OPCML: variants seen among roughly 807,000 people sequenced by gnomAD.
OPCML encodes the protein opioid binding protein/cell adhesion molecule like.
OPCML carries 13 observed loss-of-function variants against 37.8 expected under a neutral mutation model. That is an observed-to-expected ratio of 0.34 (90% CI 0.22 to 0.55). The LOEUF (loss-of-function observed/expected upper bound fraction) is 0.55, where lower values mean the gene tolerates loss of function less well. Ranked by LOEUF, OPCML falls within the 20% of genes least tolerant of loss-of-function variation. The probability of loss-of-function intolerance (pLI) is 0.91; values close to 1 mark genes in which losing one functional copy is unlikely to be tolerated. For missense variants in OPCML, 341 were observed against 435.6 expected (o/e 0.78, Z 1.93); for synonymous variants, 176 against 168.8 (o/e 1.04, Z -0.33).
chr11:132,666,700 A>C (rs905149798), intron 2 of OPCML, among the ~76,000 whole-genome samples: 2 of 152,220 alleles, frequency 1.3e-5, no homozygotes, highest in Non-Finnish European at 2.9e-5. Flanking sequence ...ATAGAGTCTT[A>C]GATAGAAGGC....
Position 133,270,370 on chromosome 11 carries a change from A to T in OPCML, c.61+261894T>A, listed in dbSNP as rs574103708. 4.6e-5 allele frequency among the ~76,000 whole-genome samples: 7 copies of T among 152,298 alleles called. No individual in the cohort carries two copies. The South Asian group carries it at 1.2e-3, about 27-fold the overall frequency. On this transcript the variant is annotated intron_variant, in intron 1 of 7. Coordinates refer to ENST00000524381, the MANE Select transcript of OPCML (RefSeq NM_001012393.5). ...AATATCACACAGTTGGGACAAAGAAAAAAAAAACCATCTCTTTGTTCATCT... is the reference window on the plus strand; with the variant it reads ...AATATCACACAGTTGGGACAAAGAATAAAAAAACCATCTCTTTGTTCATCT...
rs76841933 is a variant in OPCML at position 133,214,926 on chromosome 11, G to C, written c.62-271916C>G. Among the ~76,000 whole-genome samples, 887 of 152,148 alleles carry C rather than the reference G, an allele frequency of 5.8e-3. 8 individuals are homozygous for C. Among genetic ancestry groups the C allele is most frequent in the African/African-American group, 0.02 (848 of 41,498 alleles). On this transcript the variant is annotated intron_variant, in intron 1 of 7. Coordinates refer to ENST00000524381, the MANE Select transcript of OPCML (RefSeq NM_001012393.5). ...CAAATGAGGCAATCTCTGACCCCTC[G>C]TTGGGCACCCAGAGCATATAAATAG... is the stretch of plus-strand genomic sequence containing the variant.
intron 1 of OPCML, among the ~76,000 whole-genome samples, chr11:133,400,112 C>T (rs115761991): frequency 7.4e-4 from 112 of 152,190 alleles, no homozygotes; most frequent in African/African-American, 2.6e-3. Flanking sequence ...GGGCTCCTGC[C>T]CATTACTGCT....
chr11:133,079,896 G>C (rs74739291), intron 1 of OPCML, among the ~76,000 whole-genome samples: 8,698 of 152,212 alleles, frequency 0.057, 802 homozygotes, highest in African/African-American at 0.2. Context: ...CGTCCAAGGG[G>C]ATGGAAGATA....
chr11:133,281,108 G>A lies in OPCML; in HGVS notation c.61+251156C>T, dbSNP rs116006184. 9.1e-3 allele frequency among the ~76,000 whole-genome samples: 1,382 copies of A among 152,208 alleles called. 21 individuals are homozygous for A. The highest frequency in any genetic ancestry group is 0.03 in the African/African-American group (1,253 of 41,532). ...TGTCCCTCACTGGGCATCACCCCTC[G>A]CTCTAGAGACACTTTGGAAGCTTGG... On this transcript the variant is annotated intron_variant, in intron 1 of 7. Transcript: ENST00000524381.
intron 4 of OPCML, among the ~76,000 whole-genome samples, chr11:132,528,414 T>A (rs1313697595): frequency 2.6e-5 from 4 of 152,200 alleles, no homozygotes; most frequent in Non-Finnish European, 4.4e-5. Context: ...GCCCACCTCT[T>A]CAAGTTTGAC....
At chr11:132,911,063 A>T (rs1944413003) in intron 2 of OPCML, among the ~76,000 whole-genome samples, 2 of 152,248 alleles carry the variant, frequency 1.3e-5, no homozygotes, top group Non-Finnish European at 1.5e-5. Flanking sequence ...CTGGATATTA[A>T]CGCTGCAACA....
intron 2 of OPCML, among the ~76,000 whole-genome samples, chr11:132,658,326 G>T (rs1309794015): frequency 6.6e-6 from 1 of 152,226 alleles, no homozygotes; most frequent in Non-Finnish European, 1.5e-5. Flanking sequence ...AGAACACGGG[G>T]AATAGGCATG....
intron 1 of OPCML, among the ~76,000 whole-genome samples, chr11:133,117,093 G>A (rs1009655051): frequency 1.3e-5 from 2 of 151,942 alleles, no homozygotes; most frequent in African/African-American, 2.4e-5. Context: ...GTTACAGTCT[G>A]TTAAAAACCA....
chr11:132,843,124 CTTG>C (rs1262265246), intron 2 of OPCML, among the ~76,000 whole-genome samples: 2 of 103,110 alleles, frequency 1.9e-5, no homozygotes, highest in African/African-American at 3.8e-5. Flanking sequence ...GAATTTTGCT[CTTG>C]TTGTCCACCC....
At chr11:133,354,304 A>ATAATGGTGATAGT (rs1944226397) in intron 1 of OPCML, among the ~76,000 whole-genome samples, 5 of 9,880 alleles carry the variant, frequency 5.1e-4, no homozygotes, top group Admixed American at 1.0e-3. Context: ...GGTGGTGGTG[A>ATAATGGTGATAGT]CGTGTTGGTA....
intron 1 of OPCML, among the ~76,000 whole-genome samples, chr11:133,352,420 G>A (rs1216180079): frequency 1.3e-5 from 2 of 152,148 alleles, no homozygotes; most frequent in Non-Finnish European, 2.9e-5. Context: ...TCTCACACTA[G>A]CCCTCAGTGA....
chr11:132,649,927 T>TTA (rs1048532696), intron 3 of OPCML, among the ~76,000 whole-genome samples: 17 of 146,382 alleles, frequency 1.2e-4, no homozygotes, highest in Non-Finnish European at 1.5e-5. Context: ...ACACGCACTG[T>TTA]TACACACACA....
At chr11:133,362,276 C>T (rs1455571601) in intron 1 of OPCML, 10 of 152,372 alleles carry the variant, frequency 6.6e-5, no homozygotes, top group African/African-American at 2.4e-4. Flanking sequence ...GCCGGCTGGC[C>T]GCAGTGAAAT....
chr11:133,498,126 C>T (rs529783624), intron 1 of OPCML, among the ~76,000 whole-genome samples: 4 of 152,258 alleles, frequency 2.6e-5, no homozygotes, highest in African/African-American at 7.2e-5. Context: ...GGGCAAGCGG[C>T]GGTTGCTCCA....
At position 132,657,203 on chromosome 11, in the gene OPCML, G is replaced by C. The variant is rs137852691; in HGVS notation, c.263C>G (p.Pro88Arg). The stretch of plus-strand genomic sequence containing the variant: ...TTGGATCATGATGCTGTACTGGGTT[G>C]GTGTATTGACCAGGATGATCACACG... ...DPRVIILVNT[P>R]TQYSIMIQNV... The change falls in exon 3 of 8, where the codon CCA becomes CGA. Residue 88 changes from proline to arginine, a missense_variant. By Grantham distance (103) the Pro-to-Arg change is moderately radical (BLOSUM62 -2). Coordinates refer to ENST00000524381, the MANE Select transcript of OPCML (RefSeq NM_001012393.5). 1 of 1,614,208 alleles carries C rather than the reference G, an allele frequency of 6.2e-7. No homozygotes were observed. Among genetic ancestry groups the C allele is most frequent in the Non-Finnish European group, 8.5e-7 (1 of 1,180,032 alleles).
chr11:132,649,680 T>C (rs897366478), intron 3 of OPCML, among the ~76,000 whole-genome samples: 1 of 152,216 alleles, frequency 6.6e-6, no homozygotes, highest in African/African-American at 2.4e-5. Context: ...TGTATACACA[T>C]ATACATATAT....
At chr11:133,297,231 T>C (rs548350073) in intron 1 of OPCML, 1 of 152,182 alleles carries the variant, frequency 6.6e-6, no homozygotes, top group Admixed American at 6.5e-5. Flanking sequence ...ATAAGGTGGG[T>C]TAGAGTTTAC....
chr11:132,812,987 C>T (rs1309172142), intron 2 of OPCML, among the ~76,000 whole-genome samples: 1 of 152,140 alleles, frequency 6.6e-6, no homozygotes, highest in African/African-American at 2.4e-5. Flanking sequence ...TGAGACCTCC[C>T]TGAAAACACT....
Sources: allele counts gnomAD v4.1 joint callset (sites outside exome capture counted in the v4.1 genomes callset), GRCh38; gene constraint gnomAD v4.1.1; transcripts MANE v1.5; gene names NCBI Gene and HGNC (gene_info 2026-07-23, HGNC 2026-07-21).